The following SLC26A1 variants were observed in gnomAD, a reference collection of about 807,000 sequenced individuals.
SLC26A1 encodes the protein sulfate anion transporter 1.
In SLC26A1, 18 loss-of-function variants were observed where a neutral mutation model predicts 14.5. The observed-to-expected ratio is 1.24, with a 90% CI of 0.86 to 1.84. The LOEUF (loss-of-function observed/expected upper bound fraction) is 1.84, where lower values mean the gene tolerates loss of function less well. Ranked by LOEUF, SLC26A1 falls within the 40% of genes most tolerant of loss-of-function variation. SLC26A1 has a pLI of 0.00. For missense variants in SLC26A1, 1,049 were observed against 1,020.0 expected (o/e 1.03, Z -0.39); for synonymous variants, 505 against 492.0 (o/e 1.03, Z -0.35).
At chr4:986,751 T>C (rs766752176), downstream of SLC26A1, 7 of 488,346 alleles carry the variant, frequency 1.4e-5, no homozygotes, top group Non-Finnish European at 2.8e-5. Context: ...AGCAAGACTC[T>C]GTCTCAAAAA....
chr4:979,035 T>C (rs184211531), downstream of SLC26A1: 132 of 166,202 alleles, frequency 7.9e-4, no homozygotes, highest in Middle Eastern at 5.5e-3. Context: ...CTTGCTAGGA[T>C]ACCCTTTCAT....
At chr4:985,353 A>G (rs1713674473), downstream of SLC26A1, among the ~76,000 whole-genome samples, 1 of 149,608 alleles carries the variant, frequency 6.7e-6, no homozygotes, top group South Asian at 2.1e-4. Context: ...GAGGCCTCAG[A>G]GGCTCCTCAG....
In SLC26A1 at chr4:991,481, A is replaced by G. The variant is rs752548996; in HGVS notation, c.223T>C (p.Ser75Pro). The G allele has an allele frequency of 6.2e-7, 1 of 1,611,194 alleles. No individual in the cohort carries two copies. The highest frequency in any genetic ancestry group is 8.5e-7 in the Non-Finnish European group (1 of 1,178,622). Residue 75 changes from serine (S) to proline (P), a missense_variant, in exon 2 of 3, where the codon TCT (serine) becomes CCT (proline). Coordinates refer to ENST00000398516, the MANE Select transcript of SLC26A1 (RefSeq NM_022042.4). Reference sequence around the variant, plus strand: ...AGGATGATGCCGATGACCAGCCCAGACATGACGTCGCCTGCCAGGTACTCC... The same window carrying G: ...AGGATGATGCCGATGACCAGCCCAGGCATGACGTCGCCTGCCAGGTACTCC... ...PREYLAGDVM[S>P]GLVIGIILVP...
In SLC26A1 at chr4:990,221, G is replaced by A. The variant is rs1369885594; in HGVS notation, c.718C>T (p.Gln240Ter). ...GTGAGGACCACCATGCCGGGCCCCT[G>A]GTGCCGCGGGATCCGCACGCCCAGC... ...HLLGVRIPRHQGPGMVVLTWL... is the reference protein window; with the variant it reads ...HLLGVRIPRH The change falls in exon 3 of 3, where the codon CAG becomes TAG. Residue 240 changes from glutamine (Q) to a stop codon, truncating the protein, a stop_gained. Transcript: ENST00000398516. LOFTEE classifies it low-confidence loss of function (END_TRUNC). 1.3e-6 allele frequency: 2 copies of A among 1,567,828 alleles called. No individual in the cohort carries two copies. Among genetic ancestry groups the A allele is most frequent in the Admixed American group, 3.8e-5 (2 of 52,108 alleles).
In SLC26A1 at chr4:988,694, CG is replaced by C. The variant is rs1713947639; in HGVS notation, c.*138del. ...GCCTCCTTTCCCAGTTGGGGTTCCC[CG>C]GTTTCCCCAGGGCAGCTGTGGCACA... On this transcript the variant is annotated 3_prime_UTR_variant, in exon 3 of 3. Transcript: ENST00000398516. 7.1e-7 allele frequency: 1 copy of C among 1,413,020 alleles called. No individual in the cohort carries two copies. The highest frequency in any genetic ancestry group is 1.4e-5 in the African/African-American group (1 of 69,040). 87.5% of individuals were successfully genotyped at this position (1,413,020 alleles called of 1,614,324 possible).
rs73211812 is a variant in SLC26A1 at position 979,695 on chromosome 4, C to T, written c.577-191G>A. On this transcript the variant is annotated intron_variant, in intron 2 of 2. Transcript: ENST00000398520. ...TTTGGCTTAGCACCTTTTACAAAAC[C>T]GTGTGCTGCCTTGGAAGGGGATCTA... Among the ~76,000 whole-genome samples the T allele has an allele frequency of 4.6e-3, 698 of 152,340 alleles. 3 individuals are homozygous for T. Among genetic ancestry groups the T allele is most frequent in the Non-Finnish European group, 6.3e-3 (426 of 68,034 alleles).
Position 989,539 on chromosome 4 carries a change from C to T in SLC26A1, c.1400G>A (p.Ser467Asn). Residue 467 changes from serine (S) to asparagine (N), a missense_variant, in exon 3 of 3, where the codon AGC becomes AAC. Ser to Asn is a conservative substitution (Grantham distance 46, BLOSUM62 1). Coordinates refer to ENST00000398516, the MANE Select transcript of SLC26A1 (RefSeq NM_022042.4). Reference sequence around the variant, plus strand: ...TGCCCAGACCAGCGCGTCAGCCGGGCTCATCCGCCACAGCCGCGGGAGGTC... The same window carrying T: ...TGCCCAGACCAGCGCGTCAGCCGGGTTCATCCGCCACAGCCGCGGGAGGTC... ...VWDLPRLWRMSPADALVWAGT... is the reference protein window; with the variant it reads ...VWDLPRLWRMNPADALVWAGT... The T allele has an allele frequency of 1.3e-6, 2 of 1,564,436 alleles. No individual in the cohort carries two copies. Among genetic ancestry groups the T allele is most frequent in the Non-Finnish European group, 1.7e-6 (2 of 1,155,646 alleles).
At chr4:979,641 C>T (rs1285862090) in intron 2 of SLC26A1, 10 of 1,110,228 alleles carry the variant, frequency 9.0e-6, no homozygotes, top group East Asian at 7.3e-5. Flanking sequence ...GAAGCGGAGG[C>T]GGGGTGGGAG....
At chr4:980,746 A>G (rs887352207) in intron 2 of SLC26A1, among the ~76,000 whole-genome samples, 5 of 152,100 alleles carry the variant, frequency 3.3e-5, no homozygotes, top group Non-Finnish European at 5.9e-5. Flanking sequence ...CAGACGGGCC[A>G]TTCTAGGGGG....
At chr4:990,504 G>T in intron 2 of SLC26A1, 142 bp from the exon 3 acceptor site, 2 of 796,970 alleles carry the variant, frequency 2.5e-6, no homozygotes, top group Non-Finnish European at 1.9e-6. Context: ...TTCCAAACCA[G>T]ACTCCTCACA....
Position 988,222 on chromosome 4 carries a change from C to A in SLC26A1, c.*611G>T. ...GCTCCTGGTGCACCCGTGAGCATCC[C>A]TGTGTGTGTCTGCTGGCCAGGCTGG... On this transcript the variant is annotated 3_prime_UTR_variant, in exon 3 of 3. Transcript: ENST00000398516. The A allele has an allele frequency of 7.6e-7, 1 of 1,316,286 alleles. No homozygotes were observed. The highest frequency in any genetic ancestry group is 1.8e-5 in the South Asian group (1 of 54,450). 81.5% of individuals were successfully genotyped at this position (1,316,286 alleles called of 1,614,324 possible). A position where few individuals can be genotyped will look rare whatever the true frequency, so the allele number is the denominator to read the frequency against.
At chr4:985,602 G>A (rs937106306), downstream of SLC26A1, among the ~76,000 whole-genome samples, 5 of 149,784 alleles carry the variant, frequency 3.3e-5, no homozygotes, top group South Asian at 2.1e-4. Flanking sequence ...GTCTTACCCC[G>A]CTGTTCCTGG....
downstream of SLC26A1, among the ~76,000 whole-genome samples, chr4:984,317 A>T (rs891197195): frequency 6.6e-6 from 1 of 152,216 alleles, no homozygotes; most frequent in Non-Finnish European, 1.5e-5. Context: ...CAATAACAGT[A>T]TATAGTTTTC....
chr4:986,892 G>T, downstream of SLC26A1: 1 of 666,644 alleles, frequency 1.5e-6, no homozygotes, highest in Non-Finnish European at 2.7e-6. Flanking sequence ...AGGAAGCGGG[G>T]CTCCAAGCCC....
Position 991,163 on chromosome 4 carries a change from C to T in SLC26A1, c.541G>A (p.Ala181Thr), listed in dbSNP as rs144893723. The change falls in exon 2 of 3, where the codon GCC (alanine) becomes ACC (threonine). Residue 181 changes from alanine (A) to threonine (T), a missense_variant. Transcript: ENST00000398516. Reference protein sequence around the residue: ...CGRDCYAIRVATALTLMTGLY... With the variant: ...CGRDCYAIRVTTALTLMTGLY... Reference sequence around the variant, plus strand: ...CCGGTCATCAGCGTGAGGGCGGTGGCGACACGGATGGCGTAGCAGTCACGC... The same window carrying T: ...CCGGTCATCAGCGTGAGGGCGGTGGTGACACGGATGGCGTAGCAGTCACGC... The T allele has an allele frequency of 4.5e-5, 70 of 1,561,700 alleles. No individual in the cohort carries two copies. The highest frequency in any genetic ancestry group is 4.4e-4 in the South Asian group (36 of 82,664).
intron 2 of SLC26A1, among the ~76,000 whole-genome samples, chr4:979,698 G>A (rs1303936727): frequency 6.6e-6 from 1 of 152,224 alleles, no homozygotes; most frequent in African/African-American, 2.4e-5. Flanking sequence ...ACAAAACCGT[G>A]TGCTGCCTTG....
At chr4:984,853 A>G (rs1288919444), downstream of SLC26A1, among the ~76,000 whole-genome samples, 2 of 152,244 alleles carry the variant, frequency 1.3e-5, no homozygotes, top group Non-Finnish European at 2.9e-5. Flanking sequence ...TATCATTGGT[A>G]GAATTTTGTT....
chr4:985,998 C>G (rs1430662204), downstream of SLC26A1, among the ~76,000 whole-genome samples: 1 of 152,138 alleles, frequency 6.6e-6, no homozygotes, highest in Non-Finnish European at 1.5e-5. Flanking sequence ...TGGCCCGTCT[C>G]AGCCTTGAAC....
downstream of SLC26A1, chr4:987,061 C>G (rs759734021): frequency 2.0e-6 from 3 of 1,514,014 alleles, no homozygotes; most frequent in Non-Finnish European, 2.6e-6. Flanking sequence ...CCCGAAGCCC[C>G]GCAGTCCCCG....
Sources: allele counts gnomAD v4.1 joint callset (sites outside exome capture counted in the v4.1 genomes callset), GRCh38; gene constraint gnomAD v4.1.1; transcripts MANE v1.5; gene names NCBI Gene and HGNC (gene_info 2026-07-23, HGNC 2026-07-21).